Variants in ZNF484 observed in about 807,000 individuals in gnomAD.
ZNF484 encodes the protein KRAB box containing C2H2 type zinc finger bA526D8.4.
A neutral mutation model predicts 12.9 loss-of-function variants in ZNF484; 11 were observed. The ratio of observed to expected loss-of-function variants is 0.85; its 90% confidence interval spans 0.54 to 1.41. ZNF484 has a LOEUF of 1.41. Among genes scored for constraint, ZNF484 ranks in the 40% most tolerant of loss-of-function variants. The pLI is 0.00. For synonymous variants in ZNF484, 289 were observed against 334.1 expected, an observed-to-expected ratio of 0.86 and a Z score of 1.47; for missense variants, 807 against 1,007.7, an observed-to-expected ratio of 0.80 and a Z score of 2.70.
chr9:92,855,610 GA>G (rs1460425780), intron 4 of ZNF484, among the ~76,000 whole-genome samples, 200 bp downstream of exon 4: 1 of 152,202 alleles, frequency 6.6e-6, no homozygotes, highest in Admixed American at 6.5e-5. Flanking sequence ...AAGCAAAGAA[GA>G]AGGCATTGAT....
intron 2 of ZNF484, among the ~76,000 whole-genome samples, chr9:92,874,410 A>G (rs933751456): frequency 2.0e-5 from 3 of 150,866 alleles, no homozygotes; most frequent in Non-Finnish European, 2.9e-5. Flanking sequence ...CTCCTGGGTT[A>G]AAGCAATTCT....
chr9:92,861,603 T>C (rs921252634), intron 2 of ZNF484, among the ~76,000 whole-genome samples: 1 of 152,128 alleles, frequency 6.6e-6, no homozygotes, highest in African/African-American at 2.4e-5. Flanking sequence ...AAACAGAAAT[T>C]ATCCAGTCTG....
intron 2 of ZNF484, among the ~76,000 whole-genome samples, chr9:92,859,800 G>A (rs942909426): frequency 6.6e-6 from 1 of 152,192 alleles, no homozygotes; most frequent in African/African-American, 2.4e-5. Context: ...GTTATATAGT[G>A]GCTTTACAAT....
chr9:92,859,391 A>G (rs570964772), intron 2 of ZNF484, among the ~76,000 whole-genome samples: 150 of 152,270 alleles, frequency 9.9e-4, no homozygotes, highest in Admixed American at 3.5e-3. Context: ...AAGGACTTAA[A>G]AAACAACACA....
chr9:92,858,025 G>A (rs142748940), intron 2 of ZNF484, among the ~76,000 whole-genome samples: 1 of 152,192 alleles, frequency 6.6e-6, no homozygotes, highest in African/African-American at 2.4e-5. Context: ...CCAGGTATGA[G>A]CCCTGCCTAC....
chr9:92,868,180 G>T (rs1857219157), intron 2 of ZNF484, among the ~76,000 whole-genome samples: 2 of 152,126 alleles, frequency 1.3e-5, no homozygotes, highest in African/African-American at 4.8e-5. Context: ...GTCTTACCCA[G>T]CTTCTTGAGA....
chr9:92,856,107 A>C, intron 3 of ZNF484, 85 bp downstream of exon 3: 1 of 1,564,280 alleles, frequency 6.4e-7, no homozygotes, highest in Non-Finnish European at 8.7e-7. Flanking sequence ...TACCTCAGAA[A>C]ACACAGACTT....
intron 4 of ZNF484, among the ~76,000 whole-genome samples, chr9:92,855,360 A>T (rs1022155710): frequency 6.6e-6 from 1 of 152,166 alleles, no homozygotes; most frequent in Non-Finnish European, 1.5e-5. Flanking sequence ...ACTAAGGGGA[A>T]AGAGACAAAA....
At chr9:92,856,160 G>A (rs1437610240) in intron 3 of ZNF484, 32 bp downstream of exon 3, 3 of 1,607,946 alleles carry the variant, frequency 1.9e-6, no homozygotes, top group Non-Finnish European at 2.5e-6. Flanking sequence ...ATTAGGTGCA[G>A]CCTACTCTAT....
intron 4 of ZNF484, among the ~76,000 whole-genome samples, chr9:92,851,361 A>G (rs1321226978): frequency 1.3e-5 from 2 of 152,250 alleles, no homozygotes; most frequent in Non-Finnish European, 2.9e-5. Flanking sequence ...GAAGAATACT[A>G]CTTCACGACA....
At position 92,847,579 on chromosome 9, in the gene ZNF484, T is replaced by A; in HGVS notation, c.1208A>T (p.Gln403Leu). 6.2e-7 allele frequency: 1 copy of A among 1,614,214 alleles called. No homozygotes were observed. Among genetic ancestry groups the A allele is most frequent in the Non-Finnish European group, 8.5e-7 (1 of 1,180,032 alleles). The change falls in exon 5 of 5, where the codon CAG becomes CTG. Residue 403 changes from glutamine to leucine, a missense_variant. Transcript: ENST00000375495. ...AGGTTTTTCTCCTGTATGGATTTTC[T>A]GATGCATACTTAGTGTTGATTTCCT... ...FTRKSTLSMH[Q>L]KIHTGEKPYV...
chr9:92,864,810 T>G (rs1238761768), intron 2 of ZNF484, among the ~76,000 whole-genome samples: 1 of 152,030 alleles, frequency 6.6e-6, no homozygotes, highest in African/African-American at 2.4e-5. Flanking sequence ...CTCTGAGAGA[T>G]TTTAACCAGA....
chr9:92,848,930 T>TAAAC lies in ZNF484; in HGVS notation c.236-380_236-379insGTTT. Among the ~76,000 whole-genome samples the TAAAC allele has an allele frequency of 6.8e-6, 1 of 147,350 alleles. No individual in the cohort carries two copies. Among genetic ancestry groups the TAAAC allele is most frequent in the South Asian group, 2.1e-4 (1 of 4,694 alleles). ...TCTCCAAAATAAATAAATAAATAAATAAATAAATAAATAAATAAATAAATA... is the reference window on the plus strand; with the variant it reads ...TCTCCAAAATAAATAAATAAATAAATAAACAAATAAATAAATAAATAAATAAATA... On this transcript the variant is annotated intron_variant, in intron 4 of 4. Coordinates refer to ENST00000375495, the MANE Select transcript of ZNF484 (RefSeq NM_031486.4). This position sits in a 1 kb window ranked among gnomAD's most constrained non-coding sequence, Gnocchi z 4.1.
chr9:92,846,500 G>A lies in ZNF484; in HGVS notation c.2287C>T (p.Leu763Phe), dbSNP rs1855608073. Reference sequence around the variant, plus strand: ...GTGTGAATTCGATGATGCTCATGGAGTTGTGATTTCTTAATGAAAGACTTG... The same window carrying A: ...GTGTGAATTCGATGATGCTCATGGAATTGTGATTTCTTAATGAAAGACTTG... ...CGKSFIKKSQ[L>F]HEHHRIHTGE... The change falls in exon 5 of 5, where the codon CTC becomes TTC. Residue 763 changes from leucine (L) to phenylalanine (F), a missense_variant. Leu to Phe is a conservative substitution (Grantham distance 22). Coordinates refer to ENST00000375495, the MANE Select transcript of ZNF484 (RefSeq NM_031486.4). 1 of 1,614,086 alleles carries A rather than the reference G, an allele frequency of 6.2e-7. No individual in the cohort carries two copies.
In ZNF484 at chr9:92,846,217, C is replaced by G. The variant is rs1436405037; in HGVS notation, c.*11G>C. 1.2e-6 allele frequency: 2 copies of G among 1,607,476 alleles called. No individual in the cohort carries two copies. Among genetic ancestry groups the G allele is most frequent in the Non-Finnish European group, 1.7e-6 (2 of 1,177,092 alleles). On this transcript the variant is annotated 3_prime_UTR_variant, in exon 5 of 5. Coordinates refer to ENST00000375495, the MANE Select transcript of ZNF484 (RefSeq NM_031486.4). ...ACATCAGCTATATGATCCAGATGTTCATAATTCTAACTAGATAGAAGAAAG... is the reference window on the plus strand; with the variant it reads ...ACATCAGCTATATGATCCAGATGTTGATAATTCTAACTAGATAGAAGAAAG...
chr9:92,848,910 AAAATAAAT>A lies in ZNF484; in HGVS notation c.236-367_236-360del, dbSNP rs145197582. On this transcript the variant is annotated intron_variant, in intron 4 of 4. Transcript: ENST00000375495. This position sits in a 1 kb window ranked among gnomAD's most constrained non-coding sequence, Gnocchi z 4.1. ...GGTGACAGAGCAAGACTCTGTCTCCAAAATAAATAAATAAATAAATAAATAAATAAATA... is the reference window on the plus strand; with the variant it reads ...GGTGACAGAGCAAGACTCTGTCTCCAAAATAAATAAATAAATAAATAAATA... Among the ~76,000 whole-genome samples, 7,681 of 141,356 alleles carry A rather than the reference AAAATAAAT, an allele frequency of 0.054. 245 individuals carry two copies. The highest frequency in any genetic ancestry group is 0.11 in the Middle Eastern group (30 of 278). 92.7% of individuals were successfully genotyped at this position (141,356 alleles called of 152,430 possible). A position where few individuals can be genotyped will look rare whatever the true frequency, so the allele number is the denominator to read the frequency against.
intron 2 of ZNF484, among the ~76,000 whole-genome samples, chr9:92,858,620 C>T (rs1038758203): frequency 1.3e-5 from 2 of 151,584 alleles, no homozygotes; most frequent in East Asian, 1.9e-4. Context: ...AATAATAATG[C>T]AAAAATGGGA....
At chr9:92,867,736 C>A (rs1857192885) in intron 2 of ZNF484, among the ~76,000 whole-genome samples, 1 of 152,172 alleles carries the variant, frequency 6.6e-6, no homozygotes, top group Non-Finnish European at 1.5e-5. Context: ...ACTCAGTAAC[C>A]TGAAACTTTC....
Position 92,848,226 on chromosome 9 carries a change from A to AGGCT in ZNF484, c.557_560dup (p.Ile188AlafsTer7). On this transcript the variant is annotated frameshift_variant, in exon 5 of 5. Coordinates refer to ENST00000375495, the MANE Select transcript of ZNF484 (RefSeq NM_031486.4). LOFTEE classifies it low-confidence loss of function (END_TRUNC). The surrounding 1 kb of genome is among the most constrained non-coding windows in gnomAD (Gnocchi z 4.1). ...TGTTTCTATTATATAAGGTTATGAT[A>AGGCT]GGCTCCAAATTCTTTCCACACGAGT... 6.2e-7 allele frequency: 1 copy of AGGCT among 1,614,194 alleles called. No individual in the cohort carries two copies. Among genetic ancestry groups the AGGCT allele is most frequent in the South Asian group, 1.1e-5 (1 of 91,080 alleles).
Sources: gnomAD v4.1 joint callset for allele counts (sites outside exome capture counted in the v4.1 genomes callset) on GRCh38, gnomAD v4.1.1 for gene constraint, Gnocchi (gnomAD v3.1) non-coding constraint, MANE v1.5 for transcripts, NCBI Gene and HGNC (gene_info 2026-07-23, HGNC 2026-07-21) for gene names.